NTRK3: variants seen among roughly 807,000 people sequenced by gnomAD.
NTRK3 encodes neurotrophic receptor tyrosine kinase 3, also known as NT-3 growth factor receptor.
A neutral mutation model predicts 91.7 loss-of-function variants in NTRK3; 24 were observed. The ratio of observed to expected loss-of-function variants is 0.26; its 90% CI spans 0.19 to 0.37. The LOEUF is 0.37. NTRK3 is among the 10% of genes least tolerant of loss of function. The pLI is 1.00. For missense variants in NTRK3, 880 were observed against 1,068.9 expected, an observed-to-expected ratio of 0.82 and a Z score of 2.46; for synonymous variants, 483 against 404.0, an observed-to-expected ratio of 1.20 and a Z score of -2.34.
At chr15:87,925,191 G>A (rs1182487328) in intron 17 of NTRK3, among the ~76,000 whole-genome samples, 2 of 152,194 alleles carry the variant, frequency 1.3e-5, no homozygotes, top group African/African-American at 4.8e-5. Flanking sequence ...TAAGAAGAGA[G>A]AACAAATCGC....
chr15:87,876,853 G>A, exon 19 of NTRK3: 1 of 1,474,580 alleles, frequency 6.8e-7, no homozygotes, highest in South Asian at 1.1e-5. Flanking sequence ...GTCAAGGATG[G>A]AAGGAGTTGT....
intron 14 of NTRK3, among the ~76,000 whole-genome samples, chr15:87,974,459 T>C (rs1456823075): frequency 6.6e-6 from 1 of 151,940 alleles, no homozygotes; most frequent in Non-Finnish European, 1.5e-5. Context: ...CTGCTCACCC[T>C]TGCCCAGACC....
intron 3 of NTRK3, among the ~76,000 whole-genome samples, chr15:88,244,675 T>C (rs2052661704): frequency 6.6e-6 from 1 of 152,174 alleles, no homozygotes; most frequent in African/African-American, 2.4e-5. Context: ...CTCTTGTGGC[T>C]TTATATGGAA....
At chr15:88,165,800 C>T (rs974735744) in intron 5 of NTRK3, among the ~76,000 whole-genome samples, 2 of 152,172 alleles carry the variant, frequency 1.3e-5, no homozygotes, top group Non-Finnish European at 2.9e-5. Context: ...CCTGAGTCCA[C>T]GTGTCTAATT....
chr15:87,867,638 C>T (rs1305545883), exon 19 of NTRK3: 1 of 229,380 alleles, frequency 4.4e-6, no homozygotes, highest in African/African-American at 2.2e-5. Flanking sequence ...GACAATCTAG[C>T]AGGCTTGCTC....
At chr15:88,183,014 C>G (rs35231042) in intron 5 of NTRK3, among the ~76,000 whole-genome samples, 2 of 125,606 alleles carry the variant, frequency 1.6e-5, no homozygotes, top group South Asian at 2.9e-4. Flanking sequence ...TTCTTGCAAC[C>G]CCCCCCCGCC....
chr15:87,942,371 G>A (rs1032461504), intron 14 of NTRK3, among the ~76,000 whole-genome samples: 1 of 152,202 alleles, frequency 6.6e-6, no homozygotes, highest in African/African-American at 2.4e-5. Context: ...CACACTTTCT[G>A]TCTCTGTTTC....
At chr15:88,058,963 C>T (rs1192781214) in intron 13 of NTRK3, among the ~76,000 whole-genome samples, 1 of 152,114 alleles carries the variant, frequency 6.6e-6, no homozygotes, top group Non-Finnish European at 1.5e-5. Context: ...TAGATGTTCA[C>T]CATCAGCAGC....
intron 13 of NTRK3, among the ~76,000 whole-genome samples, chr15:88,077,002 G>A (rs965086269): frequency 1.3e-5 from 2 of 152,142 alleles, no homozygotes; most frequent in Admixed American, 1.3e-4. Flanking sequence ...GCTGAGGCAT[G>A]AGAATCGCTT....
At chr15:88,064,408 G>A (rs1316578175) in intron 13 of NTRK3, among the ~76,000 whole-genome samples, 1 of 152,152 alleles carries the variant, frequency 6.6e-6, no homozygotes, top group Admixed American at 6.5e-5. Flanking sequence ...CCTTACTCCA[G>A]CTGCAAACTT....
intron 17 of NTRK3, among the ~76,000 whole-genome samples, chr15:87,885,422 AG>A (rs1201373547): frequency 6.6e-6 from 1 of 151,920 alleles, no homozygotes; most frequent in Non-Finnish European, 1.5e-5. Flanking sequence ...ATTGATCTAA[AG>A]TAGTAATTAT....
At chr15:88,086,317 T>C (rs1017088110) in intron 13 of NTRK3, among the ~76,000 whole-genome samples, 2 of 152,178 alleles carry the variant, frequency 1.3e-5, no homozygotes, top group East Asian at 1.9e-4. Context: ...GCAATTACTG[T>C]GTATTTGAAA....
chr15:88,048,374 TG>T (rs780326588), intron 13 of NTRK3, among the ~76,000 whole-genome samples: 20 of 152,174 alleles, frequency 1.3e-4, no homozygotes, highest in Non-Finnish European at 2.4e-4. Flanking sequence ...ATGAGGATTA[TG>T]GGTAAGGAGA....
At chr15:88,200,816 A>G (rs1284230691) in intron 3 of NTRK3, among the ~76,000 whole-genome samples, 1 of 152,160 alleles carries the variant, frequency 6.6e-6, no homozygotes, top group African/African-American at 2.4e-5. Context: ...CTCCAAGCCT[A>G]CTGGAAGCGC....
At chr15:88,220,068 T>C (rs1273901224) in intron 3 of NTRK3, among the ~76,000 whole-genome samples, 1 of 152,096 alleles carries the variant, frequency 6.6e-6, no homozygotes. Flanking sequence ...TACAATTTAA[T>C]AAGCTTGGGT....
intron 6 of NTRK3, among the ~76,000 whole-genome samples, chr15:88,141,654 T>C (rs570909617): frequency 2.0e-5 from 3 of 152,364 alleles, no homozygotes; most frequent in East Asian, 3.9e-4. Flanking sequence ...CTTGGCTGCA[T>C]TGCCGCAAGC....
intron 17 of NTRK3, among the ~76,000 whole-genome samples, chr15:87,886,348 C>T (rs1470509337): frequency 6.6e-6 from 1 of 151,802 alleles, no homozygotes; most frequent in African/African-American, 2.4e-5. Flanking sequence ...AGCAAAAATA[C>T]TGAGTTAAAG....
chr15:88,026,979 C>A (rs2078092130), intron 14 of NTRK3, among the ~76,000 whole-genome samples: 2 of 152,110 alleles, frequency 1.3e-5, no homozygotes, highest in Admixed American at 6.5e-5. Flanking sequence ...TTCAGCCAAC[C>A]CTGAACACCC....
chr15:87,882,857 G>C (rs2065327639), intron 17 of NTRK3, among the ~76,000 whole-genome samples: 1 of 151,952 alleles, frequency 6.6e-6, no homozygotes, highest in African/African-American at 2.4e-5. Flanking sequence ...GGCGGAGTAG[G>C]ATAATGATGA....
Sources: gnomAD v4.1 joint callset for allele counts (sites outside exome capture counted in the v4.1 genomes callset) on GRCh38, gnomAD v4.1.1 for gene constraint, MANE v1.5 for transcripts, NCBI Gene and HGNC (gene_info 2026-07-23, HGNC 2026-07-21) for gene names.